The following HS6ST3 variants were observed in gnomAD, a reference collection of about 807,000 sequenced individuals.
The protein encoded by HS6ST3 is heparan-sulfate 6-O-sulfotransferase 3.
A neutral mutation model predicts 36.7 loss-of-function variants in HS6ST3; 12 were observed. That is an observed-to-expected ratio of 0.33 (90% CI 0.21 to 0.53). The LOEUF is 0.53. Among genes scored for constraint, HS6ST3 ranks in the 20% least tolerant of loss-of-function variants. The pLI, the probability that HS6ST3 is intolerant of heterozygous loss-of-function variation, is 0.95. For synonymous variants in HS6ST3, 240 were observed against 257.5 expected, an observed-to-expected ratio of 0.93 and a Z score of 0.65; for missense variants, 584 against 640.9, an observed-to-expected ratio of 0.91 and a Z score of 0.96.
chr13:96,393,778 T>C (rs1286543542), intron 1 of HS6ST3, among the ~76,000 whole-genome samples: 3 of 152,116 alleles, frequency 2.0e-5, no homozygotes, highest in Non-Finnish European at 4.4e-5. Context: ...GCAAGAATAG[T>C]CTCTTGTCAT....
intron 1 of HS6ST3, among the ~76,000 whole-genome samples, chr13:96,800,229 T>C (rs1351873773): frequency 6.6e-6 from 1 of 151,060 alleles, no homozygotes; most frequent in Non-Finnish European, 1.5e-5. Context: ...GCAAAATGCT[T>C]GCTCAATATT....
intron 1 of HS6ST3, among the ~76,000 whole-genome samples, chr13:96,607,190 ATTTGG>A (rs1400171260): frequency 3.3e-5 from 5 of 152,348 alleles, no homozygotes; most frequent in African/African-American, 1.2e-4. Context: ...AGAATAAATC[ATTTGG>A]TTATGTAAAC....
intron 1 of HS6ST3, among the ~76,000 whole-genome samples, chr13:96,779,183 A>C (rs2138512755): frequency 6.6e-6 from 1 of 152,098 alleles, no homozygotes; most frequent in Middle Eastern, 3.4e-3. Context: ...GTGGGGGGCT[A>C]GGGGAGGGAT....
At chr13:96,773,010 G>A (rs1251707290) in intron 1 of HS6ST3, among the ~76,000 whole-genome samples, 1 of 152,186 alleles carries the variant, frequency 6.6e-6, no homozygotes, top group Non-Finnish European at 1.5e-5. Flanking sequence ...GTCCACAGAG[G>A]GTGAGCTGAA....
intron 1 of HS6ST3, among the ~76,000 whole-genome samples, chr13:96,798,406 C>T (rs1339393565): frequency 6.6e-6 from 1 of 152,042 alleles, no homozygotes. Context: ...TGACCAGCTC[C>T]CATCTTGAAG....
intron 1 of HS6ST3, among the ~76,000 whole-genome samples, chr13:96,798,859 G>T (rs960939816): frequency 5.9e-5 from 9 of 152,050 alleles, no homozygotes; most frequent in Non-Finnish European, 8.8e-5. Context: ...CAAGGTGTCA[G>T]CAGGTTTGCA....
At chr13:96,154,227 TATTC>T (rs892152126) in intron 1 of HS6ST3, among the ~76,000 whole-genome samples, 14 of 152,166 alleles carry the variant, frequency 9.2e-5, no homozygotes, top group Non-Finnish European at 7.3e-5. Flanking sequence ...GTTTTATTTG[TATTC>T]ATTGAACTGT....
chr13:96,637,141 G>A (rs1390509614), intron 1 of HS6ST3, among the ~76,000 whole-genome samples: 6 of 152,068 alleles, frequency 3.9e-5, no homozygotes, highest in Non-Finnish European at 8.8e-5. Context: ...GAATTCAAAG[G>A]TTATTATATA....
chr13:96,300,403 C>T lies in HS6ST3; in HGVS notation c.707+208834C>T, dbSNP rs1343535726. On this transcript the variant is annotated intron_variant, in intron 1 of 1. Coordinates refer to ENST00000376705, the MANE Select transcript of HS6ST3 (RefSeq NM_153456.4). ...CCAGATCTCCTGACCCACTCAATAG[C>T]AGGCAAACAGCAAGGGGGAAATTCA... is the stretch of plus-strand genomic sequence containing the variant. Among the ~76,000 whole-genome samples the T allele has an allele frequency of 2.6e-5, 4 of 151,978 alleles. 1 individual carries two copies. Among genetic ancestry groups the T allele is most frequent in the African/African-American group, 9.7e-5 (4 of 41,376 alleles).
At chr13:96,817,832 G>T (rs183977571) in intron 1 of HS6ST3, among the ~76,000 whole-genome samples, 7 of 152,264 alleles carry the variant, frequency 4.6e-5, no homozygotes, top group East Asian at 1.9e-4. Context: ...GTTTAGGGAA[G>T]TTCACTAAGA....
At chr13:96,495,812 T>A (rs1382098547) in intron 1 of HS6ST3, among the ~76,000 whole-genome samples, 1 of 152,206 alleles carries the variant, frequency 6.6e-6, no homozygotes, top group Admixed American at 6.5e-5. Context: ...AAACTTTACA[T>A]TGTGAGCAAA....
intron 1 of HS6ST3, among the ~76,000 whole-genome samples, chr13:96,332,229 T>A (rs952689528): frequency 6.6e-6 from 1 of 152,172 alleles, no homozygotes; most frequent in African/African-American, 2.4e-5. Flanking sequence ...TGTTTTGTTT[T>A]TTTATTCTCC....
chr13:96,197,663 G>T (rs2054320900), intron 1 of HS6ST3, among the ~76,000 whole-genome samples: 2 of 152,178 alleles, frequency 1.3e-5, no homozygotes, highest in Admixed American at 1.3e-4. Context: ...TACAATGAGG[G>T]TACAGGTGTT....
chr13:96,285,825 A>G (rs910733951), intron 1 of HS6ST3, among the ~76,000 whole-genome samples: 18 of 152,030 alleles, frequency 1.2e-4, no homozygotes, highest in Non-Finnish European at 2.1e-4. Flanking sequence ...GGCTTAATCA[A>G]GTTATCAGAT....
At chr13:96,260,297 ACTTTTTTCTTTTCTTTT>A (rs2054658389) in intron 1 of HS6ST3, among the ~76,000 whole-genome samples, 1 of 78,022 alleles carries the variant, frequency 1.3e-5, no homozygotes, top group Non-Finnish European at 2.6e-5. Context: ...CTCCCTCCCT[ACTTTTTTCTTTTCTTTT>A]CTTTTTTCTT....
At chr13:96,490,282 A>G (rs1473423535) in intron 1 of HS6ST3, among the ~76,000 whole-genome samples, 1 of 152,160 alleles carries the variant, frequency 6.6e-6, no homozygotes, top group Non-Finnish European at 1.5e-5. Context: ...TTAGCAGAAT[A>G]AGGGCATCTG....
chr13:96,407,624 A>G (rs1163139686), intron 1 of HS6ST3, among the ~76,000 whole-genome samples: 1 of 152,234 alleles, frequency 6.6e-6, no homozygotes, highest in Non-Finnish European at 1.5e-5. Context: ...AGATTTTGAT[A>G]ACCTAGCAAG....
At chr13:96,116,246 T>C (rs2139303027) in intron 1 of HS6ST3, among the ~76,000 whole-genome samples, 1 of 152,286 alleles carries the variant, frequency 6.6e-6, no homozygotes, top group Middle Eastern at 3.4e-3. Context: ...ACACTGCTAC[T>C]ACCTGAATTG....
chr13:96,450,643 G>T (rs2055723108), intron 1 of HS6ST3, among the ~76,000 whole-genome samples: 1 of 152,090 alleles, frequency 6.6e-6, no homozygotes, highest in Non-Finnish European at 1.5e-5. Context: ...CATATAAATT[G>T]CCCCAGAGGT....
Sources: allele counts gnomAD v4.1 joint callset (sites outside exome capture counted in the v4.1 genomes callset), GRCh38; gene constraint gnomAD v4.1.1; transcripts MANE v1.5; gene names NCBI Gene and HGNC (gene_info 2026-07-23, HGNC 2026-07-21).